PTPRF: variants seen among roughly 807,000 people sequenced by gnomAD.
PTPRF encodes receptor-type tyrosine-protein phosphatase F.
In PTPRF, 59 loss-of-function variants were observed where a neutral mutation model predicts 201.8. The observed-to-expected ratio is 0.29, with a 90% confidence interval of 0.24 to 0.36. The LOEUF (loss-of-function observed/expected upper bound fraction) is 0.36. Ranked by LOEUF, PTPRF falls within the 10% of genes least tolerant of loss-of-function variation. The pLI is 1.00. For missense variants in PTPRF, 2,132 were observed against 2,690.5 expected (o/e 0.79, Z 4.59); for synonymous variants, 1,088 against 1,089.7 (o/e 1.00, Z 0.03).
rs770979857 is a variant in PTPRF, at chr1:43,605,204, G to C, written c.3150G>C (p.Gly1050=). ...GTCCCCCACAGATTCTGTACAATGG[G>C]CAGAGTGTGGAGGTGGACGGGCACT... ...SAVPFKILYN[G]QSVEVDGHSM... is the part of the protein sequence containing the mutation. The change falls in exon 18 of 34, where the codon GGG becomes GGC. Residue 1050 remains glycine (G), a synonymous_variant. Coordinates refer to ENST00000359947, the MANE Select transcript of PTPRF (RefSeq NM_002840.5). 1.8e-5 allele frequency: 29 copies of C among 1,600,646 alleles called. No individual in the cohort carries two copies. The highest frequency in any genetic ancestry group is 2.3e-5 in the Non-Finnish European group (27 of 1,169,896).
chr1:43,563,816 G>A (rs1231345187), intron 5 of PTPRF, among the ~76,000 whole-genome samples: 2 of 152,184 alleles, frequency 1.3e-5, no homozygotes, highest in Admixed American at 6.5e-5. Flanking sequence ...CCTGGAGTAG[G>A]ACTGAGGTTG....
rs2154026860 is a variant in PTPRF at position 43,606,932 on chromosome 1, T to C, written c.3821T>C (p.Ile1274Thr). ...VTGPVLAVIL[I>T]ILIVIAILLF... ...GGTCCCGTGCTGGCAGTCATCCTCATCATCCTCATTGTCATCGCCATCCTC... is the reference window on the plus strand; with the variant it reads ...GGTCCCGTGCTGGCAGTCATCCTCACCATCCTCATTGTCATCGCCATCCTC... Residue 1274 changes from isoleucine (I) to threonine (T), a missense_variant, in exon 21 of 34, where the codon ATC (isoleucine) becomes ACC (threonine). Physicochemically the swap from Ile to Thr is moderately conservative, Grantham distance 89 (BLOSUM62 -1). Around this residue, in one of 6 missense-constraint regions of PTPRF, gnomAD observed 818 missense variants for 915.3 expected, o/e 0.89. Transcript: ENST00000359947. 1 of 1,614,172 alleles carries C rather than the reference T, an allele frequency of 6.2e-7. No individual in the cohort carries two copies. The highest frequency in any genetic ancestry group is 1.1e-5 in the South Asian group (1 of 91,088).
rs556352703 is a variant in PTPRF, at chr1:43,567,594, G to A, written c.380-1996G>A. ...CTTTGGGATGTCCCTGGCAGCTAGA[G>A]CCTTGGGGAGCATCCCCTGGGACTG... On this transcript the variant is annotated intron_variant, in intron 5 of 33. Transcript: ENST00000359947. 2.0e-5 allele frequency among the ~76,000 whole-genome samples: 3 copies of A among 152,312 alleles called. No homozygotes were observed. The East Asian group carries it at 5.8e-4, about 29-fold the overall frequency.
At chr1:43,571,709 C>T (rs1243353492) in intron 6 of PTPRF, among the ~76,000 whole-genome samples, 1 of 152,208 alleles carries the variant, frequency 6.6e-6, no homozygotes, top group South Asian at 2.1e-4. Context: ...AATCCATCAT[C>T]CTGTAGGTCA....
intron 1 of PTPRF, 81 bp downstream of exon 1, chr1:43,531,171 C>T (rs1462653120): frequency 1.3e-5 from 2 of 150,656 alleles, no homozygotes; most frequent in Non-Finnish European, 3.0e-5. Flanking sequence ...GCTAGTCCAC[C>T]CGGCGGAGCT....
chr1:43,580,298 T>C (rs1477266879), intron 7 of PTPRF, among the ~76,000 whole-genome samples: 3 of 152,194 alleles, frequency 2.0e-5, no homozygotes, highest in East Asian at 1.9e-4. Flanking sequence ...CTGTCAAGGC[T>C]GTCAACCAAA....
Position 43,591,531 on chromosome 1 carries a change from C to A in PTPRF, c.1509C>A (p.Ile503=), listed in dbSNP as rs1420226841. Residue 503 remains isoleucine, a synonymous_variant, in exon 9 of 34, where the codon ATC becomes ATA. Coordinates refer to ENST00000359947, the MANE Select transcript of PTPRF (RefSeq NM_002840.5). ...GCGATGGCCCTCCCAGCCCCACCAT[C>A]CAGGTCAAGACGCAGCAGGGAGGTA... The part of the protein sequence containing the change: ...AVGDGPPSPT[I]QVKTQQGVPA... 6.3e-7 allele frequency: 1 copy of A among 1,595,580 alleles called. No individual in the cohort carries two copies. Among genetic ancestry groups the A allele is most frequent in the Admixed American group, 1.7e-5 (1 of 58,718 alleles).
chr1:43,530,084 T>C (rs1040892117), upstream of PTPRF, among the ~76,000 whole-genome samples: 7 of 152,116 alleles, frequency 4.6e-5, no homozygotes, highest in Middle Eastern at 6.8e-3. The surrounding 1 kb of genome is among the most constrained non-coding windows in gnomAD (Gnocchi z 4.1). Flanking sequence ...AGATTATTAT[T>C]AAAGCTGGGT....
At chr1:43,587,981 TG>T (rs923320237) in intron 7 of PTPRF, among the ~76,000 whole-genome samples, 11 of 152,122 alleles carry the variant, frequency 7.2e-5, no homozygotes, top group African/African-American at 1.2e-4. Context: ...TTGAGACCCT[TG>T]TTTGTTGGCG....
At chr1:43,579,233 T>C in intron 7 of PTPRF, 1 of 580,464 alleles carries the variant, frequency 1.7e-6, no homozygotes, top group East Asian at 4.1e-5. Context: ...ATCCGACTTC[T>C]TGGTGTATGT....
At chr1:43,592,373 G>A (rs1367388984) in intron 10 of PTPRF, 84 bp from the exon 11 acceptor site, 2 of 1,510,706 alleles carry the variant, frequency 1.3e-6, no homozygotes, top group Non-Finnish European at 1.8e-6. Flanking sequence ...GTCCAGAGGT[G>A]TCACATTGCA....
At chr1:43,606,499 T>C (rs1472640298) in intron 20 of PTPRF, 41 bp downstream of exon 20, 1 of 1,568,486 alleles carries the variant, frequency 6.4e-7, no homozygotes, top group East Asian at 2.2e-5. Context: ...CCTGATTCCC[T>C]GGGCCTGGCC....
chr1:43,590,770 G>C (rs1027109818), intron 8 of PTPRF, among the ~76,000 whole-genome samples: 1 of 152,232 alleles, frequency 6.6e-6, no homozygotes, highest in Non-Finnish European at 1.5e-5. Context: ...CCCTGGGTGG[G>C]GCACTGACAG....
Position 43,566,477 on chromosome 1 carries a change from C to G in PTPRF, c.380-3113C>G, listed in dbSNP as rs376856642. 4.6e-5 allele frequency among the ~76,000 whole-genome samples: 7 copies of G among 152,150 alleles called. No homozygotes were observed. The East Asian group carries it at 1.2e-3, about 25-fold the overall frequency. ...ATGTGACATCATCTGAGGAGTTGCC[C>G]AGGTCCTCAGCCTGAGTGTTGAGGC... On this transcript the variant is annotated intron_variant, in intron 5 of 33. Transcript: ENST00000359947.
At chr1:43,573,116 C>T (rs1646684165) in intron 6 of PTPRF, among the ~76,000 whole-genome samples, 2 of 152,170 alleles carry the variant, frequency 1.3e-5, no homozygotes, top group Non-Finnish European at 2.9e-5. Context: ...GCCTTTTCTT[C>T]TCTGTAGTGA....
chr1:43,560,298 C>T (rs1022435408), intron 5 of PTPRF, among the ~76,000 whole-genome samples: 4 of 151,258 alleles, frequency 2.6e-5, no homozygotes, highest in African/African-American at 9.7e-5. Flanking sequence ...TATATTTGTG[C>T]AGCAGGCCAT....
intron 13 of PTPRF, among the ~76,000 whole-genome samples, chr1:43,599,268 G>T (rs12733052): frequency 6.6e-6 from 1 of 151,958 alleles, no homozygotes; most frequent in Admixed American, 6.6e-5. Flanking sequence ...TAGAGACAGG[G>T]TTTCACCATA....
intron 1 of PTPRF, among the ~76,000 whole-genome samples, chr1:43,536,487 A>T (rs1360020964): frequency 6.6e-6 from 1 of 151,766 alleles, no homozygotes; most frequent in Non-Finnish European, 1.5e-5. Flanking sequence ...CAAGCACGAG[A>T]CCCTGCTGTG....
chr1:43,540,951 C>T (rs964504049), intron 2 of PTPRF, among the ~76,000 whole-genome samples: 11 of 152,268 alleles, frequency 7.2e-5, no homozygotes, highest in Non-Finnish European at 1.2e-4. Context: ...TCCGCCTCCG[C>T]GGCCGCTGCT....
Sources: allele counts gnomAD v4.1 joint callset (sites outside exome capture counted in the v4.1 genomes callset), GRCh38; gene constraint gnomAD v4.1.1; regional missense constraint gnomAD v4.1.1; non-coding constraint Gnocchi (gnomAD v3.1); transcripts MANE v1.5; gene names NCBI Gene and HGNC (gene_info 2026-07-23, HGNC 2026-07-21).